GALNT13: variants seen among roughly 807,000 people sequenced by gnomAD.
GALNT13 encodes the protein polypeptide N-acetylgalactosaminyltransferase 13.
In GALNT13, 28 loss-of-function variants were observed where a neutral mutation model predicts 64.2. The ratio of observed to expected loss-of-function variants is 0.44; its 90% CI spans 0.32 to 0.60. The LOEUF is 0.60. GALNT13 is among the 20% of genes least tolerant of loss of function. The pLI, the probability that GALNT13 is intolerant of heterozygous loss-of-function variation, is 0.05. For missense variants in GALNT13, 577 were observed against 669.8 expected (o/e 0.86, Z 1.53); for synonymous variants, 214 against 224.6 (o/e 0.95, Z 0.42).
At chr2:153,335,763 C>T in the GALNT13 span, among the ~76,000 whole-genome samples, 1 of 152,154 alleles carries the variant, frequency 6.6e-6, no homozygotes, top group Non-Finnish European at 1.5e-5. Context: ...AGCAAGGAGC[C>T]TAATGTTAAT....
At chr2:153,097,000 T>C in the GALNT13 span, among the ~76,000 whole-genome samples, 2 of 152,134 alleles carry the variant, frequency 1.3e-5, no homozygotes, top group African/African-American at 2.4e-5. Context: ...GGTGATATGA[T>C]TTATTTTTTT....
the GALNT13 span, among the ~76,000 whole-genome samples, chr2:153,202,182 C>T: frequency 6.6e-6 from 1 of 151,854 alleles, no homozygotes. Context: ...GACGGGGTTT[C>T]ACCTTGTTAG....
At chr2:154,167,524 A>G (rs575188018) in intron 4 of GALNT13, among the ~76,000 whole-genome samples, 1 of 152,274 alleles carries the variant, frequency 6.6e-6, no homozygotes, top group Non-Finnish European at 1.5e-5. Flanking sequence ...AACAGCAAAC[A>G]TCTCCTTTGC....
At chr2:153,799,882 T>C in the GALNT13 span, among the ~76,000 whole-genome samples, 4 of 152,204 alleles carry the variant, frequency 2.6e-5, no homozygotes, top group Admixed American at 2.6e-4. Context: ...CTGAGACATA[T>C]TGGTATATAT....
chr2:154,234,629 A>G (rs1432839137), intron 4 of GALNT13, among the ~76,000 whole-genome samples: 1 of 152,182 alleles, frequency 6.6e-6, no homozygotes, highest in South Asian at 2.1e-4. Context: ...TTATAGAAAA[A>G]ATCAATTGAA....
At chr2:153,441,954 G>T in the GALNT13 span, among the ~76,000 whole-genome samples, 1 of 152,044 alleles carries the variant, frequency 6.6e-6, no homozygotes, top group Non-Finnish European at 1.5e-5. Flanking sequence ...TCTCTTTCCT[G>T]GTTGCCCTGG....
chr2:154,411,266 C>T (rs994635092), intron 11 of GALNT13, among the ~76,000 whole-genome samples: 1 of 141,042 alleles, frequency 7.1e-6, no homozygotes, highest in East Asian at 2.1e-4. Context: ...AATTTAATAA[C>T]AAGATAAAAA....
intron 8 of GALNT13, among the ~76,000 whole-genome samples, chr2:154,281,574 A>C (rs376451569): frequency 2.1e-4 from 32 of 152,284 alleles, no homozygotes; most frequent in African/African-American, 7.0e-4. Flanking sequence ...AAATGTTGGC[A>C]TGAGTATTTT....
intron 4 of GALNT13, among the ~76,000 whole-genome samples, chr2:154,153,228 G>A (rs1684168843): frequency 6.6e-6 from 1 of 152,210 alleles, no homozygotes; most frequent in African/African-American, 2.4e-5. Flanking sequence ...TAACAGCAGC[G>A]ATGGCTGCAG....
chr2:154,393,653 A>G (rs73965430), intron 9 of GALNT13, among the ~76,000 whole-genome samples: 8,846 of 152,290 alleles, frequency 0.058, 276 homozygotes, highest in Middle Eastern at 0.12. Flanking sequence ...TGCAGTGGAA[A>G]TGCCAGGGGG....
At chr2:154,389,548 G>A (rs1698680356) in intron 9 of GALNT13, among the ~76,000 whole-genome samples, 1 of 152,144 alleles carries the variant, frequency 6.6e-6, no homozygotes, top group South Asian at 2.1e-4. Flanking sequence ...TCTTTCTTCA[G>A]GTACTTTGAT....
chr2:154,150,639 C>A (rs1212684888), intron 4 of GALNT13, among the ~76,000 whole-genome samples: 1 of 152,196 alleles, frequency 6.6e-6, no homozygotes, highest in African/African-American at 2.4e-5. Context: ...GATTCAACTT[C>A]TTCCCGGTTT....
At chr2:154,159,156 A>C (rs1055131545) in intron 4 of GALNT13, among the ~76,000 whole-genome samples, 6 of 151,302 alleles carry the variant, frequency 4.0e-5, no homozygotes, top group African/African-American at 1.5e-4. Context: ...TTTATTTCTG[A>C]GACAGCCTCA....
intron 4 of GALNT13, among the ~76,000 whole-genome samples, chr2:154,228,560 C>T (rs1293339538): frequency 2.0e-5 from 3 of 152,122 alleles, no homozygotes; most frequent in Non-Finnish European, 4.4e-5. Context: ...ACCTGCTGCT[C>T]ACCTTGCAGA....
the GALNT13 span, among the ~76,000 whole-genome samples, chr2:153,430,679 A>G: frequency 6.6e-6 from 1 of 151,658 alleles, no homozygotes; most frequent in South Asian, 2.1e-4. Context: ...AACTGCTTAT[A>G]TCCTGGGTAT....
the GALNT13 span, among the ~76,000 whole-genome samples, chr2:153,244,826 G>T: frequency 6.6e-6 from 1 of 152,302 alleles, no homozygotes; most frequent in African/African-American, 2.4e-5. Context: ...GAGTCAAGTG[G>T]TCTCATTCAG....
the GALNT13 span, among the ~76,000 whole-genome samples, chr2:153,191,884 C>G: frequency 6.6e-6 from 1 of 151,782 alleles, no homozygotes; most frequent in Non-Finnish European, 1.5e-5. Flanking sequence ...GTTTTGGTAT[C>G]TGTGGTATGA....
chr2:153,830,283 C>G, the GALNT13 span, among the ~76,000 whole-genome samples: 1 of 152,088 alleles, frequency 6.6e-6, no homozygotes, highest in Admixed American at 6.6e-5. Context: ...AATAAATTCA[C>G]AATTTTCTTT....
the GALNT13 span, among the ~76,000 whole-genome samples, chr2:153,168,889 A>G: frequency 1.8e-4 from 27 of 152,274 alleles, no homozygotes; most frequent in African/African-American, 6.5e-4. Context: ...CTGTGCTTCC[A>G]GATTGGCTAT....
Sources: gnomAD v4.1 joint callset for allele counts (sites outside exome capture counted in the v4.1 genomes callset) on GRCh38, gnomAD v4.1.1 for gene constraint, MANE v1.5 for transcripts, NCBI Gene and HGNC (gene_info 2026-07-23, HGNC 2026-07-21) for gene names.